The following NAALADL2 variants were observed in gnomAD, a reference collection of about 807,000 sequenced individuals.
The protein encoded by NAALADL2 is N-acetylated alpha-linked acidic dipeptidase like 2.
In NAALADL2, 76 loss-of-function variants were observed where a neutral mutation model predicts 87.2. The observed-to-expected ratio is 0.87, with a 90% CI of 0.72 to 1.05. The LOEUF (loss-of-function observed/expected upper bound fraction) is 1.05. NAALADL2 is among the 50% of genes least tolerant of loss of function. The probability of loss-of-function intolerance (pLI) is 0.00; values close to 1 mark genes in which losing one functional copy is unlikely to be tolerated. For missense variants in NAALADL2, 1,089 were observed against 945.8 expected (o/e 1.15, Z -1.99); for synonymous variants, 354 against 331.0 (o/e 1.07, Z -0.75).
chr3:174,833,542 C>T (rs80014587), intron 3 of NAALADL2, among the ~76,000 whole-genome samples: 14,898 of 151,966 alleles, frequency 0.098, 818 homozygotes, highest in Middle Eastern at 0.13. Context: ...AACTTGCCCA[C>T]GTATATTATG....
chr3:174,570,030 T>G (rs867085383), intron 2 of NAALADL2, among the ~76,000 whole-genome samples: 9 of 152,132 alleles, frequency 5.9e-5, no homozygotes, highest in South Asian at 2.1e-4. Flanking sequence ...TTCAACTCTG[T>G]GAGACTTCTT....
At chr3:175,113,004 AG>A (rs1724465676) in intron 2 of NAALADL2, among the ~76,000 whole-genome samples, 1 of 151,632 alleles carries the variant, frequency 6.6e-6, no homozygotes, top group African/African-American at 2.4e-5. Flanking sequence ...AAAGTAAATT[AG>A]GGTTGTTGTG....
intron 5 of NAALADL2, among the ~76,000 whole-genome samples, chr3:175,393,394 A>G (rs922673798): frequency 3.4e-4 from 52 of 151,672 alleles, no homozygotes; most frequent in Admixed American, 2.8e-3. Context: ...ATACAAATGC[A>G]AAGTATTACC....
chr3:174,955,464 TAAG>T (rs1042757835), intron 1 of NAALADL2, among the ~76,000 whole-genome samples: 2 of 152,210 alleles, frequency 1.3e-5, no homozygotes, highest in African/African-American at 2.4e-5. Context: ...TTTTAGGATC[TAAG>T]AAGAATTTAC....
In NAALADL2 at chr3:174,516,316, C is replaced by T. The variant is rs79797907; in HGVS notation, c.-183-34253C>T. 2.1e-3 allele frequency among the ~76,000 whole-genome samples: 323 copies of T among 152,064 alleles called. 1 individual carries two copies. Among genetic ancestry groups the T allele is most frequent in the African/African-American group, 7.4e-3 (306 of 41,518 alleles). On this transcript the variant is annotated intron_variant, in intron 1 of 3. Transcript: ENST00000434257. ...TCAGTTATGCATCTCCTCATTTGAC[C>T]CACTGCTGTATATGTGAAAGGAAAT...
At position 175,522,853 on chromosome 3, in the gene NAALADL2, C is replaced by A. The variant is rs183119799; in HGVS notation, c.1653+51095C>A. The stretch of plus-strand genomic sequence containing the variant: ...GTCTTTTCTCTCATTTCAGTTATTT[C>A]TATCAACAATATTCAATTTCTCTAC... On this transcript the variant is annotated intron_variant, in intron 9 of 13. Transcript: ENST00000454872. Among the ~76,000 whole-genome samples, 1,031 of 152,258 alleles carry A rather than the reference C, an allele frequency of 6.8e-3. 12 individuals carry two copies. The highest frequency in any genetic ancestry group is 0.024 in the African/African-American group (984 of 41,550).
At chr3:175,212,300 A>T (rs1378359545) in intron 2 of NAALADL2, among the ~76,000 whole-genome samples, 1 of 151,898 alleles carries the variant, frequency 6.6e-6, no homozygotes, top group Non-Finnish European at 1.5e-5. Flanking sequence ...CAATCACATT[A>T]CTATATAAGA....
chr3:174,680,227 A>G (rs1727413344), intron 2 of NAALADL2, among the ~76,000 whole-genome samples: 1 of 152,216 alleles, frequency 6.6e-6, no homozygotes, highest in Admixed American at 6.5e-5. Flanking sequence ...TTTACAATAT[A>G]CATTTAGCCT....
At chr3:175,751,706 G>A (rs969555808) in intron 12 of NAALADL2, among the ~76,000 whole-genome samples, 7 of 151,912 alleles carry the variant, frequency 4.6e-5, no homozygotes, top group Non-Finnish European at 7.4e-5. Flanking sequence ...GTATTAACTC[G>A]CTCTGAGAGA....
At chr3:175,701,313 G>T in intron 11 of NAALADL2, among the ~76,000 whole-genome samples, 1 of 152,122 alleles carries the variant, frequency 6.6e-6, no homozygotes, top group East Asian at 1.9e-4. Flanking sequence ...ATCAGTTATT[G>T]ATCAAGTCTG....
At chr3:174,979,362 G>C (rs1226488866) in intron 1 of NAALADL2, among the ~76,000 whole-genome samples, 1 of 137,456 alleles carries the variant, frequency 7.3e-6, no homozygotes, top group East Asian at 2.1e-4. Flanking sequence ...CTGGAGTGCA[G>C]TGGCACAGTC....
At chr3:175,530,797 T>G (rs1237146340) in intron 9 of NAALADL2, among the ~76,000 whole-genome samples, 2 of 152,228 alleles carry the variant, frequency 1.3e-5, no homozygotes, top group Non-Finnish European at 2.9e-5. Context: ...GGAATTCTAC[T>G]GTGCACAACA....
intron 10 of NAALADL2, among the ~76,000 whole-genome samples, chr3:175,608,561 A>G (rs780893708): frequency 2.6e-5 from 4 of 151,870 alleles, no homozygotes; most frequent in Non-Finnish European, 4.4e-5. Context: ...TTTCGCCTTC[A>G]TGCTTCCACA....
At chr3:174,479,357 A>G (rs1169575692) in intron 1 of NAALADL2, among the ~76,000 whole-genome samples, 1 of 152,138 alleles carries the variant, frequency 6.6e-6, no homozygotes, top group Non-Finnish European at 1.5e-5. Flanking sequence ...TTTATTCACT[A>G]AAATAGGGTT....
At chr3:175,440,865 A>T (rs1419577867) in intron 5 of NAALADL2, among the ~76,000 whole-genome samples, 1 of 152,078 alleles carries the variant, frequency 6.6e-6, no homozygotes, top group Admixed American at 6.6e-5. Context: ...AACAGTTTGG[A>T]TGTCCTTTAT....
chr3:175,106,456 A>G (rs1280314269), intron 2 of NAALADL2, among the ~76,000 whole-genome samples: 2 of 152,098 alleles, frequency 1.3e-5, no homozygotes, highest in Admixed American at 6.6e-5. Flanking sequence ...TGCATTGACT[A>G]TAATATGCTT....
rs549561408 is a variant in NAALADL2 at position 175,538,993 on chromosome 3, A to G, written c.1654-37048A>G. Among the ~76,000 whole-genome samples, 7 of 152,332 alleles carry G rather than the reference A, an allele frequency of 4.6e-5. No homozygotes were observed. In the East Asian group the frequency reaches 1.3e-3, roughly 29 times the overall value. On this transcript the variant is annotated intron_variant, in intron 9 of 13. Coordinates refer to ENST00000454872, the MANE Select transcript of NAALADL2 (RefSeq NM_207015.3). ...TTCTACAAAAGGTAACAGTTTTCTA[A>G]TTGGATTAGATAAACTAAATAATTG...
intron 11 of NAALADL2, among the ~76,000 whole-genome samples, chr3:175,709,184 A>G (rs527909753): frequency 4.1e-4 from 62 of 152,126 alleles, no homozygotes; most frequent in African/African-American, 1.3e-3. Flanking sequence ...TTTTCCTCAG[A>G]ATTATATTGC....
chr3:175,128,124 T>C (rs1195705425), intron 2 of NAALADL2, among the ~76,000 whole-genome samples: 3 of 152,132 alleles, frequency 2.0e-5, no homozygotes, highest in Non-Finnish European at 4.4e-5. Flanking sequence ...TGTCAAGATT[T>C]CTCTCCTGGA....
Sources: gnomAD v4.1 joint callset for allele counts (sites outside exome capture counted in the v4.1 genomes callset) on GRCh38, gnomAD v4.1.1 for gene constraint, MANE v1.5 for transcripts, NCBI Gene and HGNC (gene_info 2026-07-23, HGNC 2026-07-21) for gene names.